RANBP17: variants seen among roughly 807,000 people sequenced by gnomAD.
RANBP17 encodes the protein ran-binding protein 17.
In RANBP17, 158 loss-of-function variants were observed where a neutral mutation model predicts 141.2. The ratio of observed to expected loss-of-function variants is 1.12; its 90% CI spans 0.98 to 1.28. The LOEUF (loss-of-function observed/expected upper bound fraction) is 1.28, where lower values mean the gene tolerates loss of function less well. Ranked by LOEUF, RANBP17 falls within the 50% of genes most tolerant of loss-of-function variation. RANBP17 has a pLI of 0.00. For missense variants in RANBP17, 1,438 were observed against 1,290.7 expected (o/e 1.11, Z -1.75); for synonymous variants, 430 against 450.0 (o/e 0.96, Z 0.56).
chr5:170,984,284 A>G (rs1385311175), intron 14 of RANBP17, among the ~76,000 whole-genome samples: 1 of 152,170 alleles, frequency 6.6e-6, no homozygotes, highest in Non-Finnish European at 1.5e-5. Flanking sequence ...GTTTAGTAAC[A>G]TATAATTAAA....
At chr5:171,263,340 A>G (rs1203371574) in intron 24 of RANBP17, among the ~76,000 whole-genome samples, 1 of 152,204 alleles carries the variant, frequency 6.6e-6, no homozygotes, top group Non-Finnish European at 1.5e-5. Context: ...GATCATGTGC[A>G]AATGTTGTCA....
chr5:171,142,570 A>G lies in RANBP17; in HGVS notation c.1711-27560A>G, dbSNP rs1757779275. 4.6e-5 allele frequency among the ~76,000 whole-genome samples: 7 copies of G among 152,204 alleles called. No individual in the cohort carries two copies. In the South Asian group the frequency reaches 8.3e-4, roughly 18 times the overall value. The stretch of plus-strand genomic sequence containing the variant: ...ATTCAAGTTTGGGATATATTCAAGC[A>G]TGGTCTTCTCATCTTAGTAAATTGC... On this transcript the variant is annotated intron_variant, in intron 14 of 27. Transcript: ENST00000523189.
intron 25 of RANBP17, chr5:171,284,564 A>T (rs138759954): frequency 6.6e-6 from 1 of 152,282 alleles, no homozygotes; most frequent in African/African-American, 2.4e-5. Context: ...GAACTCAAGC[A>T]ATCTGCCCAC....
chr5:171,046,774 C>T (rs1472316830), intron 14 of RANBP17, among the ~76,000 whole-genome samples: 1 of 152,066 alleles, frequency 6.6e-6, no homozygotes, highest in Non-Finnish European at 1.5e-5. Flanking sequence ...GAACCTCACT[C>T]CATTATCTTG....
intron 14 of RANBP17, among the ~76,000 whole-genome samples, chr5:170,993,432 C>T (rs951299759): frequency 2.6e-5 from 4 of 151,920 alleles, no homozygotes; most frequent in South Asian, 2.1e-4. Flanking sequence ...AAGAAAAGTA[C>T]TTGAGACACT....
At chr5:171,281,633 T>G (rs1002765300) in intron 25 of RANBP17, among the ~76,000 whole-genome samples, 1 of 151,936 alleles carries the variant, frequency 6.6e-6, no homozygotes, top group Non-Finnish European at 1.5e-5. Context: ...TGAGTAAGTG[T>G]GAGAAATGAA....
At chr5:171,226,753 A>G (rs1581068107) in intron 22 of RANBP17, among the ~76,000 whole-genome samples, 1 of 152,178 alleles carries the variant, frequency 6.6e-6, no homozygotes, top group South Asian at 2.1e-4. Flanking sequence ...AAAAGCTATC[A>G]CCTGTTAGGA....
intron 14 of RANBP17, among the ~76,000 whole-genome samples, chr5:171,135,458 T>C (rs2127797217): frequency 6.6e-6 from 1 of 152,270 alleles, no homozygotes; most frequent in South Asian, 2.1e-4. Context: ...TGGAGCACTT[T>C]GGTACCTGAA....
chr5:171,026,421 C>T (rs186524146), intron 14 of RANBP17, among the ~76,000 whole-genome samples: 14 of 152,242 alleles, frequency 9.2e-5, no homozygotes, highest in East Asian at 1.9e-4. Flanking sequence ...CTGTATGTTG[C>T]GCCTTCTAAC....
intron 14 of RANBP17, among the ~76,000 whole-genome samples, chr5:170,999,255 C>G (rs1779039143): frequency 6.6e-6 from 1 of 152,048 alleles, no homozygotes; most frequent in African/African-American, 2.4e-5. Flanking sequence ...ACATTTGTTA[C>G]AGGATGGGGT....
intron 14 of RANBP17, among the ~76,000 whole-genome samples, chr5:171,038,161 A>ATT (rs373258134): frequency 8.0e-5 from 8 of 100,534 alleles, no homozygotes; most frequent in East Asian, 3.5e-4. Context: ...ATTCTTAGGT[A>ATT]TTGTGTGTGT....
At chr5:171,217,158 G>T (rs934957450) in intron 21 of RANBP17, among the ~76,000 whole-genome samples, 3 of 152,028 alleles carry the variant, frequency 2.0e-5, no homozygotes, top group Non-Finnish European at 4.4e-5. Context: ...TTATGCGTCT[G>T]TTGAGATAAT....
intron 12 of RANBP17, among the ~76,000 whole-genome samples, chr5:170,930,972 T>G (rs1298379379): frequency 2.0e-5 from 3 of 152,204 alleles, no homozygotes; most frequent in Non-Finnish European, 4.4e-5. Context: ...TCTAGATCCT[T>G]GAGGAATTGC....
chr5:171,004,240 A>T (rs918445075), intron 14 of RANBP17, among the ~76,000 whole-genome samples: 5 of 151,972 alleles, frequency 3.3e-5, no homozygotes, highest in Non-Finnish European at 5.9e-5. Context: ...TTGCGGGTTA[A>T]GGTAGGAGGA....
At chr5:171,157,345 CG>C (rs1407045045) in intron 14 of RANBP17, among the ~76,000 whole-genome samples, 1 of 152,122 alleles carries the variant, frequency 6.6e-6, no homozygotes, top group Non-Finnish European at 1.5e-5. Flanking sequence ...GTTTTACACC[CG>C]GCAAGATTAT....
intron 25 of RANBP17, among the ~76,000 whole-genome samples, chr5:171,270,663 G>C (rs1368686602): frequency 6.6e-6 from 1 of 152,100 alleles, no homozygotes; most frequent in Non-Finnish European, 1.5e-5. Flanking sequence ...CACAGTGAAA[G>C]ATTTTGCCCA....
At chr5:171,147,550 G>A (rs1210193634) in intron 14 of RANBP17, among the ~76,000 whole-genome samples, 3 of 151,568 alleles carry the variant, frequency 2.0e-5, no homozygotes, top group Non-Finnish European at 4.4e-5. Context: ...CGAGTAGCTG[G>A]GATTACAGGC....
In RANBP17 at chr5:171,183,390, C is replaced by T; in HGVS notation, c.1998C>T (p.Thr666=). 1 of 1,613,826 alleles carries T rather than the reference C, an allele frequency of 6.2e-7. No individual in the cohort carries two copies. The highest frequency in any genetic ancestry group is 8.5e-7 in the Non-Finnish European group (1 of 1,179,780). The change falls in exon 18 of 28, where the codon ACC becomes ACT. Residue 666 remains threonine, a synonymous_variant. Transcript: ENST00000523189. Reference sequence around the variant, plus strand: ...TCAGCGACTTCAGGTGTCGAACAACCTTCTACACAGCGCTCACTCGCCTTC... The same window carrying T: ...TCAGCGACTTCAGGTGTCGAACAACTTTCTACACAGCGCTCACTCGCCTTC... ...HSLSDFRCRT[T]FYTALTRLLM...
intron 14 of RANBP17, chr5:171,028,952 A>G (rs1781390125): frequency 8.5e-6 from 11 of 1,287,796 alleles, no homozygotes; most frequent in Non-Finnish European, 1.1e-5. Context: ...GATCTGATTC[A>G]TCATCATCTG....
Sources: gnomAD v4.1 joint callset for allele counts (sites outside exome capture counted in the v4.1 genomes callset) on GRCh38, gnomAD v4.1.1 for gene constraint, MANE v1.5 for transcripts, NCBI Gene and HGNC (gene_info 2026-07-23, HGNC 2026-07-21) for gene names.